Variants in LRRIQ1 observed in about 807,000 individuals in gnomAD.
The protein encoded by LRRIQ1 is leucine rich repeats and IQ motif containing 1.
LRRIQ1 carries 210 observed loss-of-function variants against 211.9 expected under a neutral mutation model. That is an observed-to-expected ratio of 0.99 (90% confidence interval 0.89 to 1.11). The LOEUF is 1.11. Among genes scored for constraint, LRRIQ1 ranks in the 50% most tolerant of loss-of-function variants. The probability of loss-of-function intolerance (pLI) is 0.00; values close to 1 mark genes in which losing one functional copy is unlikely to be tolerated. For synonymous variants in LRRIQ1, 699 were observed against 650.1 expected, an observed-to-expected ratio of 1.08 and a Z score of -1.14; for missense variants, 2,136 against 1,939.5, an observed-to-expected ratio of 1.10 and a Z score of -1.90.
chr12:85,043,608 AT>A (rs1183409773), intron 3 of LRRIQ1, among the ~76,000 whole-genome samples: 2 of 152,116 alleles, frequency 1.3e-5, no homozygotes, highest in Non-Finnish European at 2.9e-5. Flanking sequence ...CGGGATATGT[AT>A]ACCAGTAGGT....
intron 24 of LRRIQ1, among the ~76,000 whole-genome samples, chr12:85,199,472 T>G (rs1893185100): frequency 6.6e-6 from 1 of 152,124 alleles, no homozygotes; most frequent in Non-Finnish European, 1.5e-5. Context: ...TCTGTGTCTG[T>G]TTTTGTACCA....
intron 15 of LRRIQ1, among the ~76,000 whole-genome samples, 186 bp downstream of exon 15, chr12:85,106,801 TGC>T: frequency 6.6e-6 from 1 of 152,330 alleles, no homozygotes; most frequent in Admixed American, 6.5e-5. Context: ...ATAATTTTCT[TGC>T]ACATGTGTGA....
At chr12:85,185,742 C>A (rs1176707246) in intron 24 of LRRIQ1, among the ~76,000 whole-genome samples, 2 of 151,854 alleles carry the variant, frequency 1.3e-5, no homozygotes, top group African/African-American at 4.8e-5. Flanking sequence ...AACAGAAATA[C>A]AATTTTATTC....
At chr12:85,062,568 G>A (rs1328229967) in intron 8 of LRRIQ1, among the ~76,000 whole-genome samples, 4 of 145,622 alleles carry the variant, frequency 2.7e-5, no homozygotes, top group African/African-American at 1.0e-4. Context: ...GGCTATATAT[G>A]TACTACTTTT....
At chr12:85,052,748 T>A (rs1341780661) in intron 7 of LRRIQ1, among the ~76,000 whole-genome samples, 1 of 152,122 alleles carries the variant, frequency 6.6e-6, no homozygotes. Context: ...TCCTTTCAAA[T>A]CTTTTTAAAA....
chr12:85,085,247 G>A (rs1031421555), intron 11 of LRRIQ1, among the ~76,000 whole-genome samples: 1 of 152,182 alleles, frequency 6.6e-6, no homozygotes, highest in Non-Finnish European at 1.5e-5. Context: ...AGCTGGAACA[G>A]TTCTGCAACA....
At chr12:85,198,776 G>A (rs998727689) in intron 24 of LRRIQ1, among the ~76,000 whole-genome samples, 1 of 152,092 alleles carries the variant, frequency 6.6e-6, no homozygotes, top group Non-Finnish European at 1.5e-5. Flanking sequence ...CACCATGTTA[G>A]CCAGAATGGT....
intron 15 of LRRIQ1, among the ~76,000 whole-genome samples, chr12:85,107,944 A>G (rs1235000268): frequency 6.6e-6 from 1 of 152,114 alleles, no homozygotes; most frequent in African/African-American, 2.4e-5. Context: ...TCTGGAACAT[A>G]TGGAAAATAA....
intron 24 of LRRIQ1, among the ~76,000 whole-genome samples, chr12:85,164,417 T>C: frequency 6.6e-6 from 1 of 152,342 alleles, no homozygotes; most frequent in Non-Finnish European, 1.5e-5. Flanking sequence ...AGGCGAACAG[T>C]ACTTAGGCAT....
chr12:85,256,197 A>T (rs575298331), intron 1 of LRRIQ1, among the ~76,000 whole-genome samples: 1 of 151,686 alleles, frequency 6.6e-6, no homozygotes, highest in Admixed American at 6.6e-5. Flanking sequence ...TAAGAGAACT[A>T]GTTGTACATA....
At chr12:85,126,158 A>G (rs1422886616) in intron 17 of LRRIQ1, among the ~76,000 whole-genome samples, 1 of 152,152 alleles carries the variant, frequency 6.6e-6, no homozygotes, top group Non-Finnish European at 1.5e-5. Flanking sequence ...TCTGCTTTCA[A>G]TGTAGTGAAA....
At chr12:85,159,374 G>T (rs571247065) in intron 23 of LRRIQ1, 1 of 152,022 alleles carries the variant, frequency 6.6e-6, no homozygotes, top group South Asian at 2.1e-4. Flanking sequence ...ATATAAACTG[G>T]AAATGTTTCA....
At position 85,124,294 on chromosome 12, in the gene LRRIQ1, C is replaced by T. The variant is rs141763212; in HGVS notation, c.3782C>T (p.Pro1261Leu). The T allele has an allele frequency of 8.1e-6, 13 of 1,613,986 alleles. No homozygotes were observed. In the African/African-American group the frequency reaches 1.5e-4, roughly 18 times the overall value. ...SCAREGEPDS[P>L]DIPEKWMDSV... Reference sequence around the variant, plus strand: ...GCACGTGAAGGTGAGCCAGACTCACCAGATATTCCTGAGAAATGGATGGAC... The same window carrying T: ...GCACGTGAAGGTGAGCCAGACTCACTAGATATTCCTGAGAAATGGATGGAC... The change falls in exon 17 of 27, where the codon CCA becomes CTA. Residue 1261 changes from proline to leucine, a missense_variant. Coordinates refer to ENST00000393217, the MANE Select transcript of LRRIQ1 (RefSeq NM_001079910.2).
chr12:85,193,145 C>A (rs1236764902), intron 24 of LRRIQ1, among the ~76,000 whole-genome samples: 1 of 109,662 alleles, frequency 9.1e-6, no homozygotes, highest in East Asian at 3.1e-4. Context: ...ATATATGGGA[C>A]CATATATTTA....
intron 15 of LRRIQ1, among the ~76,000 whole-genome samples, chr12:85,116,393 C>G (rs1887581551): frequency 6.6e-6 from 1 of 152,132 alleles, no homozygotes; most frequent in African/African-American, 2.4e-5. Context: ...ATCCGCCCGC[C>G]TCGGCCTCCC....
intron 26 of LRRIQ1, among the ~76,000 whole-genome samples, chr12:85,237,557 T>C (rs149351420): frequency 6.6e-6 from 1 of 152,142 alleles, no homozygotes; most frequent in East Asian, 1.9e-4. Context: ...ACTGGGAATA[T>C]CTGAACTGAA....
chr12:85,061,124 A>G (rs887818180), intron 8 of LRRIQ1, among the ~76,000 whole-genome samples: 10 of 151,830 alleles, frequency 6.6e-5, no homozygotes, highest in Non-Finnish European at 1.3e-4. Flanking sequence ...GCCACAGGCT[A>G]GGGAAGTTCA....
At position 85,040,479 on chromosome 12, in the gene LRRIQ1, C is replaced by T; in HGVS notation, c.133-11C>T. The stretch of plus-strand genomic sequence containing the variant: ...CACTTTCACAGTTTCTTGTATTATT[C>T]AAATTTTTAGGATTCAGTTGAATTA... On this transcript the variant is annotated splice_polypyrimidine_tract_variant and intron_variant, in intron 2 of 26. Coordinates refer to ENST00000393217, the MANE Select transcript of LRRIQ1 (RefSeq NM_001079910.2). 1 of 1,489,700 alleles carries T rather than the reference C, an allele frequency of 6.7e-7. No individual in the cohort carries two copies. The highest frequency in any genetic ancestry group is 9.1e-7 in the Non-Finnish European group (1 of 1,098,054). The allele number at this position is 1,489,700 out of a possible 1,614,324, so 92.3% of individuals were successfully genotyped here. A position where few individuals can be genotyped will look rare whatever the true frequency, so the allele number is the denominator to read the frequency against.
At chr12:85,177,895 G>A (rs1891791901) in intron 24 of LRRIQ1, among the ~76,000 whole-genome samples, 1 of 151,974 alleles carries the variant, frequency 6.6e-6, no homozygotes, top group Admixed American at 6.6e-5. Flanking sequence ...TAATAGATAT[G>A]GAGATTTAGG....
Sources: gnomAD v4.1 joint callset for allele counts (sites outside exome capture counted in the v4.1 genomes callset) on GRCh38, gnomAD v4.1.1 for gene constraint, MANE v1.5 for transcripts, NCBI Gene and HGNC (gene_info 2026-07-23, HGNC 2026-07-21) for gene names.